PTPRD: variants seen among roughly 807,000 people sequenced by gnomAD.
The protein encoded by PTPRD is receptor-type tyrosine-protein phosphatase delta.
In PTPRD, 34 loss-of-function variants were observed where a neutral mutation model predicts 214.5. The observed-to-expected ratio is 0.16, with a 90% confidence interval of 0.12 to 0.21. The LOEUF is 0.21. PTPRD is among the 10% of genes least tolerant of loss of function. PTPRD has a pLI of 1.00. For missense variants in PTPRD, 2,545 were observed against 2,398.7 expected (o/e 1.06, Z -1.27); for synonymous variants, 1,128 against 845.7 (o/e 1.33, Z -5.79).
chr9:9,635,297 T>C (rs931198741), intron 7 of PTPRD, among the ~76,000 whole-genome samples: 1 of 152,190 alleles, frequency 6.6e-6, no homozygotes, highest in Non-Finnish European at 1.5e-5. Context: ...TCCAGCAATT[T>C]GCTAGTGGAA....
At chr9:10,166,368 A>G (rs547279187) in intron 3 of PTPRD, among the ~76,000 whole-genome samples, 1 of 148,498 alleles carries the variant, frequency 6.7e-6, no homozygotes, top group Admixed American at 6.8e-5. Context: ...TCTGATGCCA[A>G]TGCTGATTTT....
chr9:8,722,412 G>C (rs1020175987), intron 12 of PTPRD, among the ~76,000 whole-genome samples: 3 of 151,884 alleles, frequency 2.0e-5, no homozygotes, highest in African/African-American at 4.8e-5. Context: ...TTAAGTTATG[G>C]TTTAATAATC....
At position 10,185,085 on chromosome 9, in the gene PTPRD, TA is replaced by T. The variant is rs944783561; in HGVS notation, c.-544-151296del. Among the ~76,000 whole-genome samples, 118 of 152,136 alleles carry T rather than the reference TA, an allele frequency of 7.8e-4. 1 individual carries two copies. The highest frequency in any genetic ancestry group is 2.6e-3 in the African/African-American group (109 of 41,534). On this transcript the variant is annotated intron_variant, in intron 3 of 45. Transcript: ENST00000381196. ...TCATGAAAGTGTAAAAATATATATT[TA>T]AAAAAAATCTACCAGCTCTTTTGTA...
chr9:9,426,122 G>T (rs765696053), intron 8 of PTPRD, among the ~76,000 whole-genome samples: 9 of 152,172 alleles, frequency 5.9e-5, no homozygotes, highest in African/African-American at 1.4e-4. Flanking sequence ...CGCCTCACCC[G>T]GGAAGCACAA....
chr9:10,010,115 A>G (rs1173009519), intron 4 of PTPRD, among the ~76,000 whole-genome samples: 1 of 151,840 alleles, frequency 6.6e-6, no homozygotes, highest in Non-Finnish European at 1.5e-5. Context: ...ATCGGTTGGT[A>G]TTATTATCTT....
chr9:8,663,337 C>T, intron 12 of PTPRD, among the ~76,000 whole-genome samples: 1 of 145,502 alleles, frequency 6.9e-6, no homozygotes, highest in African/African-American at 2.6e-5. Context: ...AAGGAAAAAG[C>T]TACTATTAAG....
chr9:9,620,061 G>GT (rs1256972158), intron 7 of PTPRD, among the ~76,000 whole-genome samples: 1 of 151,824 alleles, frequency 6.6e-6, no homozygotes, highest in Non-Finnish European at 1.5e-5. Context: ...ACCTTGTATG[G>GT]TTTTCCTTGG....
chr9:10,460,825 T>C (rs1175136076), intron 2 of PTPRD, among the ~76,000 whole-genome samples: 2 of 152,106 alleles, frequency 1.3e-5, no homozygotes, highest in East Asian at 1.9e-4. Context: ...TTGACATTAG[T>C]CTTAGCAATG....
chr9:9,932,989 T>G (rs534518597), intron 5 of PTPRD, among the ~76,000 whole-genome samples: 1 of 149,976 alleles, frequency 6.7e-6, no homozygotes, highest in South Asian at 2.2e-4. Flanking sequence ...GCTTCATAAG[T>G]GAAGGAGAAA....
chr9:8,934,851 A>G (rs915091514), intron 11 of PTPRD, among the ~76,000 whole-genome samples: 2 of 151,814 alleles, frequency 1.3e-5, no homozygotes, highest in South Asian at 4.1e-4. Flanking sequence ...TACGTAAGTG[A>G]GATTAAGTAG....
intron 14 of PTPRD, among the ~76,000 whole-genome samples, chr9:8,575,924 C>T (rs565200180): frequency 2.6e-5 from 4 of 152,314 alleles, no homozygotes; most frequent in Admixed American, 6.5e-5. Context: ...CCATAATCGA[C>T]TCTGCTATAC....
At chr9:10,075,679 G>C (rs2098121270) in intron 3 of PTPRD, among the ~76,000 whole-genome samples, 1 of 151,202 alleles carries the variant, frequency 6.6e-6, no homozygotes, top group South Asian at 2.1e-4. Context: ...CTCATTTTCT[G>C]GGGGGGAGGG....
chr9:10,302,295 C>A (rs1343349517), intron 3 of PTPRD, among the ~76,000 whole-genome samples: 2 of 152,148 alleles, frequency 1.3e-5, no homozygotes, highest in Admixed American at 6.5e-5. Context: ...ACAACTGGTA[C>A]CAGCCACTGC....
intron 9 of PTPRD, among the ~76,000 whole-genome samples, chr9:9,381,644 C>T (rs771070722): frequency 3.3e-5 from 5 of 151,898 alleles, no homozygotes; most frequent in East Asian, 1.9e-4. Context: ...TGGGCCACCA[C>T]GCTCAGACAG....
intron 8 of PTPRD, among the ~76,000 whole-genome samples, chr9:9,425,484 G>A (rs1333881387): frequency 2.8e-5 from 4 of 144,830 alleles, no homozygotes; most frequent in Non-Finnish European, 6.0e-5. Context: ...TATATGTTTG[G>A]TGCAAAAGTA....
chr9:9,637,571 T>A (rs1168591802), intron 7 of PTPRD, among the ~76,000 whole-genome samples: 2 of 152,214 alleles, frequency 1.3e-5, no homozygotes, highest in Non-Finnish European at 2.9e-5. Flanking sequence ...GTGGTTCCCC[T>A]AATGCCTTGG....
chr9:9,251,894 C>G (rs1033000776), intron 9 of PTPRD, among the ~76,000 whole-genome samples: 1 of 152,050 alleles, frequency 6.6e-6, no homozygotes, highest in African/African-American at 2.4e-5. Flanking sequence ...TGATGCTATC[C>G]CTTGTTTTCC....
At chr9:9,262,585 A>G (rs930003584) in intron 9 of PTPRD, among the ~76,000 whole-genome samples, 2 of 151,506 alleles carry the variant, frequency 1.3e-5, no homozygotes, top group African/African-American at 2.4e-5. Context: ...ATTGACCTCA[A>G]TATAAATGAG....
intron 12 of PTPRD, among the ~76,000 whole-genome samples, chr9:8,675,686 A>G (rs1019804816): frequency 1.3e-5 from 2 of 151,864 alleles, no homozygotes; most frequent in Admixed American, 6.6e-5. Context: ...AAGCTTGTGG[A>G]CCCATCATCT....
Sources: allele counts gnomAD v4.1 joint callset (sites outside exome capture counted in the v4.1 genomes callset), GRCh38; gene constraint gnomAD v4.1.1; transcripts MANE v1.5; gene names NCBI Gene and HGNC (gene_info 2026-07-23, HGNC 2026-07-21).